Variants in AUTS2 observed in about 807,000 individuals in gnomAD.
AUTS2 encodes activator of transcription and developmental regulator AUTS2, also known as autism susceptibility gene 2 protein.
Under a neutral mutation model 112.4 loss-of-function variants are expected in AUTS2, and 17 were observed. The observed-to-expected ratio is 0.15, with a 90% confidence interval of 0.10 to 0.23. The LOEUF (loss-of-function observed/expected upper bound fraction) is 0.23. AUTS2 is among the 10% of genes least tolerant of loss of function. AUTS2 has a pLI of 1.00. For missense variants in AUTS2, 1,510 were observed against 1,701.6 expected, an observed-to-expected ratio of 0.89 and a Z score of 1.98; for synonymous variants, 751 against 702.7, an observed-to-expected ratio of 1.07 and a Z score of -1.09.
chr7:70,295,679 A>T (rs1245351426), intron 4 of AUTS2, among the ~76,000 whole-genome samples: 1 of 152,150 alleles, frequency 6.6e-6, no homozygotes, highest in Non-Finnish European at 1.5e-5. Flanking sequence ...CTACCCATTC[A>T]TAGGCAGTAG....
intron 2 of AUTS2, among the ~76,000 whole-genome samples, chr7:70,078,476 T>A (rs1803143589): frequency 6.6e-6 from 1 of 152,220 alleles, no homozygotes; most frequent in African/African-American, 2.4e-5. Flanking sequence ...TAAGGGGTAC[T>A]ACTGTACTTC....
intron 4 of AUTS2, among the ~76,000 whole-genome samples, chr7:70,142,332 A>T (rs546316081): frequency 2.0e-5 from 3 of 152,284 alleles, no homozygotes; most frequent in African/African-American, 7.2e-5. Context: ...TTAATTTCTA[A>T]TATTTCAAAA....
At chr7:69,684,130 G>T (rs552221330) in intron 1 of AUTS2, among the ~76,000 whole-genome samples, 7 of 152,310 alleles carry the variant, frequency 4.6e-5, no homozygotes, top group African/African-American at 9.6e-5. Flanking sequence ...TTGAGGAGAA[G>T]TATTTTAACA....
At chr7:70,752,019 C>T (rs1183670856) in intron 6 of AUTS2, among the ~76,000 whole-genome samples, 1 of 151,534 alleles carries the variant, frequency 6.6e-6, no homozygotes, top group Non-Finnish European at 1.5e-5. Context: ...GCTGCCACGC[C>T]TGGCCTGCAT....
chr7:70,627,283 A>G (rs1305916057), intron 5 of AUTS2, among the ~76,000 whole-genome samples: 37 of 152,006 alleles, frequency 2.4e-4, no homozygotes, highest in Non-Finnish European at 1.6e-4. Flanking sequence ...GCATTTTTTC[A>G]TGTGTTGTAT....
At chr7:70,079,953 A>C (rs962779392) in intron 2 of AUTS2, among the ~76,000 whole-genome samples, 1 of 152,200 alleles carries the variant, frequency 6.6e-6, no homozygotes, top group Non-Finnish European at 1.5e-5. Flanking sequence ...GAACATGCTC[A>C]AGAGAGTTTG....
At chr7:70,633,058 GCATC>G (rs1238219123) in intron 5 of AUTS2, among the ~76,000 whole-genome samples, 16 of 152,222 alleles carry the variant, frequency 1.1e-4, no homozygotes, top group Non-Finnish European at 1.9e-4. Context: ...TCTGAGAGCA[GCATC>G]CATGCCCCAT....
rs973119300 is a variant in AUTS2, at chr7:69,599,570, G to A, written c.-84G>A. The A allele has an allele frequency of 5.8e-6, 7 of 1,201,014 alleles. No individual in the cohort carries two copies. The Admixed American group carries it at 1.7e-4, about 30-fold the overall frequency. The allele number at this position is 1,201,014 out of a possible 1,614,324, so 74.4% of individuals were successfully genotyped here. A position where few individuals can be genotyped will look rare whatever the true frequency, so the allele number is the denominator to read the frequency against. Reference sequence around the variant, plus strand: ...CGGAGGGAAGCCGTGAAGGGGGAGGGAGGGCTCGGTGTCAATTTTTTTTTG... The same window carrying A: ...CGGAGGGAAGCCGTGAAGGGGGAGGAAGGGCTCGGTGTCAATTTTTTTTTG... On this transcript the variant is annotated 5_prime_UTR_variant, in exon 1 of 19. Transcript: ENST00000342771. This position sits in a 1 kb window ranked among gnomAD's most constrained non-coding sequence, Gnocchi z 7.0.
intron 2 of AUTS2, among the ~76,000 whole-genome samples, chr7:69,984,809 G>A (rs6943451): frequency 0.93 from 141,830 of 152,146 alleles, 66,240 homozygotes; most frequent in East Asian, 1. Flanking sequence ...AGCACTCTCT[G>A]TAATCATTTG....
intron 4 of AUTS2, among the ~76,000 whole-genome samples, chr7:70,279,428 A>G (rs1788098720): frequency 6.6e-6 from 1 of 152,204 alleles, no homozygotes; most frequent in Non-Finnish European, 1.5e-5. Context: ...CCAGTGGGAC[A>G]AAGAGAATTG....
chr7:69,885,663 A>AT (rs1794242133), intron 1 of AUTS2, among the ~76,000 whole-genome samples: 1 of 152,162 alleles, frequency 6.6e-6, no homozygotes, highest in Non-Finnish European at 1.5e-5. Flanking sequence ...CCAGTTGCTG[A>AT]TTTTCTCACT....
chr7:69,910,390 C>T lies in AUTS2; in HGVS notation c.522+10892C>T, dbSNP rs953727183. Among the ~76,000 whole-genome samples the T allele has an allele frequency of 2.6e-5, 4 of 152,250 alleles. No individual in the cohort carries two copies. In the East Asian group the frequency reaches 7.7e-4, roughly 29 times the overall value. ...CCACACCTGCCAAGGGCGAGCCAGG[C>T]GTAGAGTGGCAAGGGGTGTGTGGGT... On this transcript the variant is annotated intron_variant, in intron 2 of 18. Transcript: ENST00000342771.
Position 70,774,138 on chromosome 7 carries a change from G to C in AUTS2, c.1902+39G>C, listed in dbSNP as rs886937283. 1.1e-5 allele frequency: 17 copies of C among 1,599,954 alleles called. No individual in the cohort carries two copies. The Admixed American group carries it at 2.7e-4, about 25-fold the overall frequency. ...CAGGCTTGGTCTCAGGTAACACCAG[G>C]GTGTGTGTGTTTGCACGGGACGGCC... On this transcript the variant is annotated intron_variant, in intron 12 of 18. Transcript: ENST00000342771.
At chr7:70,736,241 A>G (rs775133204) in intron 6 of AUTS2, among the ~76,000 whole-genome samples, 30 of 152,154 alleles carry the variant, frequency 2.0e-4, no homozygotes, top group Non-Finnish European at 4.1e-4. Context: ...AATAAATTCA[A>G]TTGAACTGAA....
At chr7:69,948,318 T>C (rs987143835) in intron 2 of AUTS2, among the ~76,000 whole-genome samples, 13 of 152,210 alleles carry the variant, frequency 8.5e-5, no homozygotes, top group Non-Finnish European at 1.8e-4. Flanking sequence ...TCAAAAGATA[T>C]TCTTTTACTC....
chr7:70,522,643 T>C (rs2129495276), intron 5 of AUTS2, among the ~76,000 whole-genome samples: 1 of 152,354 alleles, frequency 6.6e-6, no homozygotes. Context: ...TTTTGTTCTT[T>C]TGTATGGCTG....
intron 3 of AUTS2, among the ~76,000 whole-genome samples, chr7:70,128,799 G>T (rs983413077): frequency 2.6e-5 from 4 of 152,214 alleles, no homozygotes; most frequent in Non-Finnish European, 4.4e-5. Context: ...TAACATCAGT[G>T]TGTCTTCAGG....
chr7:69,801,564 G>A lies in AUTS2; in HGVS notation c.310-97722G>A, dbSNP rs144902135. On this transcript the variant is annotated intron_variant, in intron 1 of 18. Coordinates refer to ENST00000342771, the MANE Select transcript of AUTS2 (RefSeq NM_015570.4). ...GGTGTATATATACATAAATATGTTT[G>A]TGTATGTATAATAAAAGACATTACT... is the stretch of plus-strand genomic sequence containing the variant. Among the ~76,000 whole-genome samples, 1,244 of 151,576 alleles carry A rather than the reference G, an allele frequency of 8.2e-3. 8 individuals are homozygous for A. The highest frequency in any genetic ancestry group is 0.013 in the Non-Finnish European group (889 of 67,932).
At chr7:69,711,578 G>T (rs1798326089) in intron 1 of AUTS2, among the ~76,000 whole-genome samples, 1 of 152,064 alleles carries the variant, frequency 6.6e-6, no homozygotes, top group Non-Finnish European at 1.5e-5. Flanking sequence ...CAGGCTTGTG[G>T]GTCTGAGGAC....
Sources: allele counts gnomAD v4.1 joint callset (sites outside exome capture counted in the v4.1 genomes callset), GRCh38; gene constraint gnomAD v4.1.1; non-coding constraint Gnocchi (gnomAD v3.1); transcripts MANE v1.5; gene names NCBI Gene and HGNC (gene_info 2026-07-23, HGNC 2026-07-21).